HIBADH: variants seen among roughly 807,000 people sequenced by gnomAD.
HIBADH encodes 3-hydroxyisobutyrate dehydrogenase, mitochondrial.
A neutral mutation model predicts 36.1 loss-of-function variants in HIBADH; 25 were observed. The ratio of observed to expected loss-of-function variants is 0.69; its 90% CI spans 0.50 to 0.97. HIBADH has a LOEUF of 0.97. Among genes scored for constraint, HIBADH ranks in the 50% least tolerant of loss-of-function variants. The pLI is 0.00. For missense variants in HIBADH, 421 were observed against 418.0 expected (o/e 1.01, Z -0.06); for synonymous variants, 160 against 149.5 (o/e 1.07, Z -0.51).
intron 4 of HIBADH, among the ~76,000 whole-genome samples, chr7:27,579,002 ATTATTT>A (rs1247689909): frequency 6.6e-6 from 1 of 152,216 alleles, no homozygotes; most frequent in African/African-American, 2.4e-5. Flanking sequence ...GTCAAGATAG[ATTATTT>A]TTATTTTTAA....
intron 1 of HIBADH, among the ~76,000 whole-genome samples, chr7:27,651,002 GAA>G (rs1786182061): frequency 6.6e-6 from 1 of 152,124 alleles, no homozygotes; most frequent in Admixed American, 6.5e-5. Context: ...TCTAGTGAGG[GAA>G]AAGAGAGAAG....
chr7:27,574,569 T>C (rs73686443), intron 4 of HIBADH, among the ~76,000 whole-genome samples: 3,022 of 152,212 alleles, frequency 0.02, 96 homozygotes, highest in African/African-American at 0.064. Flanking sequence ...ACTAAGTACA[T>C]AGATAGGTTC....
intron 4 of HIBADH, among the ~76,000 whole-genome samples, chr7:27,552,728 C>T (rs759269): frequency 0.76 from 115,280 of 152,176 alleles, 44,080 homozygotes; most frequent in East Asian, 0.94. Context: ...AGGAAGAATA[C>T]TAATCTATGA....
At chr7:27,654,326 C>A (rs929696870) in intron 1 of HIBADH, among the ~76,000 whole-genome samples, 4 of 152,086 alleles carry the variant, frequency 2.6e-5, no homozygotes, top group African/African-American at 9.7e-5. Context: ...GTGTGAAGAA[C>A]AAATGGCCAA....
At chr7:27,526,951 G>A (rs1004241908) in intron 7 of HIBADH, among the ~76,000 whole-genome samples, 1 of 152,058 alleles carries the variant, frequency 6.6e-6, no homozygotes, top group Non-Finnish European at 1.5e-5. Flanking sequence ...TGGGGTGCTG[G>A]GAAAGGTGAA....
At chr7:27,574,663 T>G (rs996894075) in intron 4 of HIBADH, among the ~76,000 whole-genome samples, 2 of 152,178 alleles carry the variant, frequency 1.3e-5, no homozygotes, top group Admixed American at 1.3e-4. Context: ...TAATGAAATT[T>G]ACATACTGTA....
intron 4 of HIBADH, among the ~76,000 whole-genome samples, chr7:27,622,610 C>A (rs1344138028): frequency 6.6e-6 from 1 of 151,926 alleles, no homozygotes; most frequent in Non-Finnish European, 1.5e-5. Flanking sequence ...CAACTGATAC[C>A]ATAGAAATAC....
intron 1 of HIBADH, among the ~76,000 whole-genome samples, chr7:27,662,175 G>GA (rs997477968): frequency 1.3e-5 from 2 of 152,176 alleles, no homozygotes; most frequent in African/African-American, 4.8e-5. Context: ...AAACTTTGCT[G>GA]AAAGACTTAC....
At chr7:27,652,860 G>A (rs1450918730) in intron 1 of HIBADH, among the ~76,000 whole-genome samples, 1 of 152,176 alleles carries the variant, frequency 6.6e-6, no homozygotes, top group Non-Finnish European at 1.5e-5. Flanking sequence ...CAGGCGCAGC[G>A]GCTCACGCCT....
intron 4 of HIBADH, among the ~76,000 whole-genome samples, chr7:27,627,789 A>T (rs1022889724): frequency 2.0e-5 from 3 of 152,190 alleles, no homozygotes; most frequent in Non-Finnish European, 4.4e-5. Context: ...TCTACTACAT[A>T]TGCAGGTTCA....
intron 4 of HIBADH, among the ~76,000 whole-genome samples, chr7:27,585,187 GCA>G (rs1316019499): frequency 6.6e-6 from 1 of 151,644 alleles, no homozygotes; most frequent in Non-Finnish European, 1.5e-5. Flanking sequence ...GTGTATATAT[GCA>G]CACACATATG....
rs1212992902 is a variant in HIBADH at position 27,632,255 on chromosome 7, T to C, written c.362+81A>G. ...GTATAGAAAGGTTTAACAAACACAA[T>C]TGTAATTTCCTAATAGTTCTAACAT... On this transcript the variant is annotated intron_variant, in intron 3 of 7. Transcript: ENST00000265395. The C allele has an allele frequency of 5.9e-5, 55 of 936,988 alleles. No individual in the cohort carries two copies. The East Asian group carries it at 1.0e-3, about 18-fold the overall frequency. 58.0% of individuals were successfully genotyped at this position (936,988 alleles called of 1,614,324 possible).
chr7:27,590,553 A>G lies in HIBADH; in HGVS notation c.484+38818T>C, dbSNP rs113542195. 7.1e-3 allele frequency among the ~76,000 whole-genome samples: 1,075 copies of G among 152,308 alleles called. 13 individuals are homozygous for G. Among genetic ancestry groups the G allele is most frequent in the African/African-American group, 0.024 (1,014 of 41,562 alleles). ...TCTCATGGAACCAAGTCAGCAAAAA[A>G]TAAGCACTGTACTTAACAGACCTCT... On this transcript the variant is annotated intron_variant, in intron 4 of 7. Transcript: ENST00000265395.
At chr7:27,598,354 GAAGTTATGAAGAAA>G (rs1785065715) in intron 4 of HIBADH, among the ~76,000 whole-genome samples, 2 of 152,036 alleles carry the variant, frequency 1.3e-5, no homozygotes, top group Non-Finnish European at 2.9e-5. Context: ...TTTCTCTCTA[GAAGTTATGAAGAAA>G]AATGTTTGAC....
At chr7:27,603,515 T>C (rs959917363) in intron 4 of HIBADH, among the ~76,000 whole-genome samples, 2 of 152,128 alleles carry the variant, frequency 1.3e-5, no homozygotes, top group Non-Finnish European at 2.9e-5. Flanking sequence ...AAGTCATTGT[T>C]TCCTTGCCTA....
chr7:27,629,399 T>C lies in HIBADH; in HGVS notation c.456A>G (p.Ala152=). ...ELAKEVEKMG[A]VFMDAPVSGG... ...CAGAAACAGGGGCATCCATGAAAAC[T>C]GCTCCCATTTTCTCAACTTCTTTGG... is the stretch of plus-strand genomic sequence containing the variant. The change falls in exon 4 of 8, where the codon GCA becomes GCG. Residue 152 remains alanine (A), a synonymous_variant. Transcript: ENST00000265395. The C allele has an allele frequency of 6.2e-7, 1 of 1,612,230 alleles. No homozygotes were observed. The highest frequency in any genetic ancestry group is 8.5e-7 in the Non-Finnish European group (1 of 1,179,000).
intron 2 of HIBADH, among the ~76,000 whole-genome samples, chr7:27,633,876 G>C (rs1252344740): frequency 6.6e-6 from 1 of 152,164 alleles, no homozygotes; most frequent in Admixed American, 6.5e-5. Context: ...GAAGGGACAT[G>C]TAAGCATCTT....
chr7:27,554,857 T>G (rs1784367936), intron 4 of HIBADH, among the ~76,000 whole-genome samples: 1 of 152,170 alleles, frequency 6.6e-6, no homozygotes, highest in Admixed American at 6.5e-5. Flanking sequence ...AAATGTGGAC[T>G]CTCATATTTT....
intron 4 of HIBADH, among the ~76,000 whole-genome samples, chr7:27,613,843 A>G (rs955500376): frequency 2.0e-5 from 3 of 152,076 alleles, no homozygotes; most frequent in Middle Eastern, 3.4e-3. Flanking sequence ...ATTTTTTGGT[A>G]GAGACAGGGT....
Sources: allele counts gnomAD v4.1 joint callset (sites outside exome capture counted in the v4.1 genomes callset), GRCh38; gene constraint gnomAD v4.1.1; transcripts MANE v1.5; gene names NCBI Gene and HGNC (gene_info 2026-07-23, HGNC 2026-07-21).